Variants in DENND4A observed in about 807,000 individuals in gnomAD.
DENND4A encodes C-myc promoter-binding protein.
Under a neutral mutation model 199.3 loss-of-function variants are expected in DENND4A, and 70 were observed. The observed-to-expected ratio is 0.35, with a 90% CI of 0.29 to 0.43. DENND4A has a LOEUF of 0.43. Ranked by LOEUF, DENND4A falls within the 20% of genes least tolerant of loss-of-function variation. The probability of loss-of-function intolerance (pLI) is 1.00; values close to 1 mark genes in which losing one functional copy is unlikely to be tolerated. For missense variants in DENND4A, 1,723 were observed against 2,255.8 expected (o/e 0.76, Z 4.78); for synonymous variants, 686 against 766.9 (o/e 0.89, Z 1.74).
intron 12 of DENND4A, among the ~76,000 whole-genome samples, chr15:65,719,924 G>T (rs1333605041): frequency 1.3e-5 from 2 of 151,986 alleles, no homozygotes; most frequent in African/African-American, 4.8e-5. Flanking sequence ...TGGGTGGCCT[G>T]TATTTATTAT....
chr15:65,717,515 C>A (rs966531383), intron 13 of DENND4A, among the ~76,000 whole-genome samples: 8 of 152,144 alleles, frequency 5.3e-5, no homozygotes, highest in Non-Finnish European at 7.4e-5. Context: ...TATCTCAACA[C>A]ACATGTGACA....
At chr15:65,663,217 T>TTTTTTTTA (rs1566978904) in intron 32 of DENND4A, among the ~76,000 whole-genome samples, 2 of 145,202 alleles carry the variant, frequency 1.4e-5, no homozygotes, top group African/African-American at 5.2e-5. Flanking sequence ...TTTTTATTTT[T>TTTTTTTTA]TTTTTTGGTT....
intron 15 of DENND4A, among the ~76,000 whole-genome samples, chr15:65,705,661 C>G (rs531455595): frequency 6.6e-6 from 1 of 152,032 alleles, no homozygotes; most frequent in East Asian, 1.9e-4. Flanking sequence ...TCGTACAAAT[C>G]AAGGCCACGA....
chr15:65,750,928 T>C (rs1259981642), intron 4 of DENND4A, among the ~76,000 whole-genome samples: 1 of 152,108 alleles, frequency 6.6e-6, no homozygotes, highest in Non-Finnish European at 1.5e-5. Flanking sequence ...AGAGCAGAAG[T>C]GGAAGAACTG....
At position 65,709,438 on chromosome 15, in the gene DENND4A, G is replaced by A. The variant is rs184598675; in HGVS notation, c.1954-3214C>T. ...GATACATTTTGAGCCGGGCACGGCG[G>A]CTCATGCCTGTAATCCCAGCACTTT... On this transcript the variant is annotated intron_variant, in intron 14 of 32. Coordinates refer to ENST00000443035, the MANE Select transcript of DENND4A (RefSeq NM_001320835.1). 3.8e-3 allele frequency among the ~76,000 whole-genome samples: 571 copies of A among 152,146 alleles called. 6 individuals carry two copies. Among genetic ancestry groups the A allele is most frequent in the Non-Finnish European group, 3.7e-3 (250 of 67,994 alleles).
At chr15:65,771,170 G>A in intron 1 of DENND4A, 2 of 1,580,868 alleles carry the variant, frequency 1.3e-6, no homozygotes, top group Non-Finnish European at 8.6e-7. Flanking sequence ...AAAAATTCCA[G>A]TTCATCCTCC....
intron 32 of DENND4A, among the ~76,000 whole-genome samples, chr15:65,663,234 A>C (rs1398228586): frequency 7.9e-6 from 1 of 127,154 alleles, no homozygotes; most frequent in African/African-American, 3.2e-5. Context: ...GGTTAGACGG[A>C]GTTTCACTCT....
rs1218333650 is a variant in DENND4A, at chr15:65,752,596, T to C, written c.344A>G (p.Gln115Arg). 1 of 1,571,848 alleles carries C rather than the reference T, an allele frequency of 6.4e-7. No individual in the cohort carries two copies. Among genetic ancestry groups the C allele is most frequent in the Non-Finnish European group, 8.7e-7 (1 of 1,155,194 alleles). Residue 115 changes from glutamine to arginine, a missense_variant, in exon 4 of 33, where the codon CAG (glutamine) becomes CGG (arginine). Gln to Arg is a conservative substitution (Grantham distance 43). This residue lies in a region of DENND4A where 725 missense variants were observed against 952.9 expected (regional missense o/e 0.76). Transcript: ENST00000443035. ...VLYDWKERLKQGCEIIQSTPY... is the reference protein window; with the variant it reads ...VLYDWKERLKRGCEIIQSTPY... ...AGTACTCTGAATAATTTCACAACCC[T>C]GTTTCAATCTTTCTTTCCAGTCATA...
chr15:65,690,650 C>T lies in DENND4A; in HGVS notation c.3944G>A (p.Ser1315Asn). ...RLTKSKSYTK[S>N]EEKPRDRLWS... Reference sequence around the variant, plus strand: ...AAGTCTATCCCTTGGTTTCTCCTCACTTTTTGTGTAACTTTTAGATTTGGT... The same window carrying T: ...AAGTCTATCCCTTGGTTTCTCCTCATTTTTTGTGTAACTTTTAGATTTGGT... The change falls in exon 23 of 33, where the codon AGT (serine) becomes AAT (asparagine). Residue 1315 changes from serine to asparagine, a missense_variant. Ser to Asn is a conservative substitution (Grantham distance 46, BLOSUM62 1). This residue lies in a region of DENND4A where 650 missense variants were observed against 738.1 expected (regional missense o/e 0.88). Transcript: ENST00000443035. The T allele has an allele frequency of 2.5e-6, 4 of 1,613,706 alleles. No homozygotes were observed. Among genetic ancestry groups the T allele is most frequent in the Admixed American group, 1.7e-5 (1 of 59,950 alleles).
chr15:65,661,830 G>T lies in DENND4A; in HGVS notation c.*21C>A. ...ACTGACTATACAATATACATTGAAT[G>T]TTTACACATACAAATACATCTTAAA... On this transcript the variant is annotated 3_prime_UTR_variant, in exon 33 of 33. Coordinates refer to ENST00000443035, the MANE Select transcript of DENND4A (RefSeq NM_001320835.1). 6.3e-7 allele frequency: 1 copy of T among 1,584,412 alleles called. No individual in the cohort carries two copies.
At chr15:65,742,468 G>C (rs1037460000) in intron 4 of DENND4A, among the ~76,000 whole-genome samples, 5 of 124,988 alleles carry the variant, frequency 4.0e-5, no homozygotes, top group African/African-American at 1.7e-4. Flanking sequence ...TTTTTTTTTT[G>C]AGATAGAGTC....
chr15:65,753,490 C>T (rs1459644459), intron 3 of DENND4A, among the ~76,000 whole-genome samples: 1 of 152,028 alleles, frequency 6.6e-6, no homozygotes, highest in Admixed American at 6.6e-5. Flanking sequence ...TCCCGAGTAG[C>T]TGGGATTACA....
rs948402472 is a variant in DENND4A, at chr15:65,669,732, G to A, written c.4787+47C>T. 5 of 1,483,180 alleles carry A rather than the reference G, an allele frequency of 3.4e-6. No homozygotes were observed. The African/African-American group carries it at 5.6e-5, about 17-fold the overall frequency. The allele number at this position is 1,483,180 out of a possible 1,614,324, so 91.9% of individuals were successfully genotyped here. ...TTTTTCTGTCATACTTCTAAAATAT[G>A]TGTAAATATATGTTGTTAAAATATA... is the stretch of plus-strand genomic sequence containing the variant. On this transcript the variant is annotated intron_variant, in intron 27 of 32. Coordinates refer to ENST00000443035, the MANE Select transcript of DENND4A (RefSeq NM_001320835.1).
At chr15:65,768,535 T>G (rs2077042643) in intron 1 of DENND4A, among the ~76,000 whole-genome samples, 1 of 152,164 alleles carries the variant, frequency 6.6e-6, no homozygotes, top group Non-Finnish European at 1.5e-5. Context: ...TTTTTCTATT[T>G]CTGAACTTTT....
chr15:65,673,047 A>G (rs1422774541), intron 24 of DENND4A, among the ~76,000 whole-genome samples: 1 of 152,050 alleles, frequency 6.6e-6, no homozygotes, highest in Non-Finnish European at 1.5e-5. Context: ...GTTTTAGTAC[A>G]GATGGGGTTT....
At chr15:65,740,195 G>A (rs2076220380) in intron 5 of DENND4A, among the ~76,000 whole-genome samples, 2 of 151,310 alleles carry the variant, frequency 1.3e-5, no homozygotes, top group African/African-American at 2.4e-5. Flanking sequence ...ATAGAGGAAC[G>A]GATTCTGGTA....
chr15:65,707,101 T>C lies in DENND4A; in HGVS notation c.1954-877A>G, dbSNP rs528601613. Among the ~76,000 whole-genome samples, 11 of 152,256 alleles carry C rather than the reference T, an allele frequency of 7.2e-5. No individual in the cohort carries two copies. The South Asian group carries it at 2.1e-3, about 29-fold the overall frequency. ...AATTTCCCTAAGCTCTTTCAGCATATGTAGACGTATATTTGAGTTAAACTC... is the reference window on the plus strand; with the variant it reads ...AATTTCCCTAAGCTCTTTCAGCATACGTAGACGTATATTTGAGTTAAACTC... On this transcript the variant is annotated intron_variant, in intron 14 of 32. Transcript: ENST00000443035.
At chr15:65,667,820 C>T (rs1419641072) in intron 28 of DENND4A, 105 bp downstream of exon 28, 2 of 1,484,810 alleles carry the variant, frequency 1.3e-6, no homozygotes, top group Admixed American at 2.2e-5. Flanking sequence ...GGATAAGAGA[C>T]TCTTCTTGGC....
intron 11 of DENND4A, among the ~76,000 whole-genome samples, chr15:65,723,771 C>A (rs1036679636): frequency 6.6e-6 from 1 of 151,998 alleles, no homozygotes; most frequent in East Asian, 1.9e-4. Context: ...CTTTAATAAA[C>A]GTTATGTGAA....
Sources: gnomAD v4.1 joint callset for allele counts (sites outside exome capture counted in the v4.1 genomes callset) on GRCh38, gnomAD v4.1.1 for gene constraint, gnomAD v4.1.1 regional missense constraint, MANE v1.5 for transcripts, NCBI Gene and HGNC (gene_info 2026-07-23, HGNC 2026-07-21) for gene names.